SLC39A11: variants seen among roughly 807,000 people sequenced by gnomAD.
SLC39A11 encodes the protein solute carrier family 39 member 11, also known as zinc transporter ZIP11.
SLC39A11 carries 33 observed loss-of-function variants against 36.1 expected under a neutral mutation model. That is an observed-to-expected ratio of 0.91 (90% CI 0.69 to 1.22). SLC39A11 has a LOEUF of 1.22. SLC39A11 is among the 50% of genes most tolerant of loss of function. The probability of loss-of-function intolerance (pLI) is 0.00; values close to 1 mark genes in which losing one functional copy is unlikely to be tolerated. For synonymous variants in SLC39A11, 166 were observed against 170.3 expected, an observed-to-expected ratio of 0.97 and a Z score of 0.20; for missense variants, 432 against 430.3, an observed-to-expected ratio of 1.00 and a Z score of -0.03.
At chr17:73,033,676 A>T (rs1244489635) in intron 3 of SLC39A11, among the ~76,000 whole-genome samples, 6 of 152,216 alleles carry the variant, frequency 3.9e-5, no homozygotes, top group African/African-American at 1.2e-4. Context: ...GAGTACACCC[A>T]CCACCCATCG....
intron 5 of SLC39A11, among the ~76,000 whole-genome samples, chr17:72,907,049 C>G (rs1290629725): frequency 6.6e-6 from 1 of 152,166 alleles, no homozygotes; most frequent in African/African-American, 2.4e-5. Context: ...GATTAAAGTC[C>G]CACAATCACC....
At chr17:72,677,071 A>C (rs1321120469) in intron 7 of SLC39A11, among the ~76,000 whole-genome samples, 4 of 152,096 alleles carry the variant, frequency 2.6e-5, no homozygotes, top group Non-Finnish European at 2.9e-5. Context: ...TTGTAAAATC[A>C]CCAAACCTGG....
intron 7 of SLC39A11, among the ~76,000 whole-genome samples, chr17:72,668,054 G>C (rs911401631): frequency 3.3e-5 from 5 of 152,166 alleles, no homozygotes; most frequent in African/African-American, 1.2e-4. Flanking sequence ...GTTTAGGGTA[G>C]CCTGTGATTA....
chr17:72,781,887 C>CAAA (rs4036981), intron 6 of SLC39A11, among the ~76,000 whole-genome samples: 3,152 of 136,854 alleles, frequency 0.023, 79 homozygotes, highest in African/African-American at 0.062. Flanking sequence ...CATCACCATC[C>CAAA]AAAAAAAAAA....
chr17:73,001,004 T>C (rs2089790492), intron 4 of SLC39A11, among the ~76,000 whole-genome samples: 2 of 152,160 alleles, frequency 1.3e-5, no homozygotes, highest in South Asian at 2.1e-4. Flanking sequence ...TGCATCCAGT[T>C]TGAACTTTTT....
chr17:73,034,423 T>C (rs2058837704), intron 3 of SLC39A11, among the ~76,000 whole-genome samples: 1 of 152,218 alleles, frequency 6.6e-6, no homozygotes, highest in Non-Finnish European at 1.5e-5. Context: ...GGTTTTGCCG[T>C]GTTGGCCAGG....
intron 6 of SLC39A11, among the ~76,000 whole-genome samples, chr17:72,767,363 C>T (rs2075792698): frequency 6.6e-6 from 1 of 152,208 alleles, no homozygotes; most frequent in Admixed American, 6.5e-5. Context: ...CTGGGCTGGA[C>T]AGTGCTGGGC....
intron 5 of SLC39A11, among the ~76,000 whole-genome samples, chr17:72,851,978 G>A (rs139181264): frequency 0.022 from 3,371 of 151,920 alleles, 128 homozygotes; most frequent in African/African-American, 0.077. Flanking sequence ...CGAGGCAGGC[G>A]GATCATGAGG....
At chr17:72,769,893 C>A (rs1009606844) in intron 6 of SLC39A11, among the ~76,000 whole-genome samples, 1 of 152,168 alleles carries the variant, frequency 6.6e-6, no homozygotes, top group African/African-American at 2.4e-5. Flanking sequence ...AAAAATGCAA[C>A]TGTTTGTATC....
intron 3 of SLC39A11, among the ~76,000 whole-genome samples, chr17:73,065,082 T>C (rs1212467912): frequency 6.6e-6 from 1 of 151,972 alleles, no homozygotes; most frequent in Non-Finnish European, 1.5e-5. Context: ...TTCCTGATTG[T>C]GGAAGAGAAT....
chr17:72,782,153 A>G (rs1464872458), intron 6 of SLC39A11, among the ~76,000 whole-genome samples: 1 of 151,996 alleles, frequency 6.6e-6, no homozygotes, highest in Non-Finnish European at 1.5e-5. Context: ...AAGAAGGGGA[A>G]GCAGACATAG....
At chr17:73,019,053 A>G (rs2058260267) in intron 4 of SLC39A11, among the ~76,000 whole-genome samples, 1 of 152,198 alleles carries the variant, frequency 6.6e-6, no homozygotes, top group African/African-American at 2.4e-5. Context: ...AAGCAAAAAA[A>G]CTGTTAACCT....
At chr17:72,793,331 G>A (rs961455755) in intron 6 of SLC39A11, among the ~76,000 whole-genome samples, 1 of 152,174 alleles carries the variant, frequency 6.6e-6, no homozygotes, top group South Asian at 2.1e-4. Flanking sequence ...CACATCTTAA[G>A]TCCTAGAGCT....
In SLC39A11 at chr17:72,953,296, A is replaced by G. The variant is rs145950710; in HGVS notation, c.307-5421T>C. Among the ~76,000 whole-genome samples the G allele has an allele frequency of 1.0e-3, 152 of 152,246 alleles. No homozygotes were observed. In the Middle Eastern group the frequency reaches 0.014, roughly 14 times the overall value. ...TGGAAAGGCCATGCAGAAAGGCAGG[A>G]GCTGAAGAAGAAGAATAGCACTTTC... is the stretch of plus-strand genomic sequence containing the variant. On this transcript the variant is annotated intron_variant, in intron 4 of 9. Coordinates refer to ENST00000255559, the MANE Select transcript of SLC39A11 (RefSeq NM_139177.4).
intron 6 of SLC39A11, among the ~76,000 whole-genome samples, chr17:72,809,431 C>A (rs1568128017): frequency 6.6e-6 from 1 of 152,184 alleles, no homozygotes; most frequent in Non-Finnish European, 1.5e-5. Flanking sequence ...CATCTCTACT[C>A]CAAGTTTGGA....
At position 72,737,135 on chromosome 17, in the gene SLC39A11, G is replaced by T. The variant is rs545256700; in HGVS notation, c.602-416C>A. Among the ~76,000 whole-genome samples the T allele has an allele frequency of 5.3e-5, 8 of 152,192 alleles. No homozygotes were observed. In the East Asian group the frequency reaches 1.5e-3, roughly 29 times the overall value. On this transcript the variant is annotated intron_variant, in intron 6 of 9. Coordinates refer to ENST00000255559, the MANE Select transcript of SLC39A11 (RefSeq NM_139177.4). ...TACTAAAAATACGAGAGTTAGCAGG[G>T]CGTGATGGTGCACACCTGTAATCCC...
chr17:72,981,303 A>G (rs2088282222), intron 4 of SLC39A11, among the ~76,000 whole-genome samples: 1 of 152,172 alleles, frequency 6.6e-6, no homozygotes, highest in African/African-American at 2.4e-5. Flanking sequence ...CAAGCACTCA[A>G]TACACACATA....
At chr17:72,829,357 A>T (rs1324103370) in intron 6 of SLC39A11, among the ~76,000 whole-genome samples, 3 of 151,610 alleles carry the variant, frequency 2.0e-5, no homozygotes, top group Admixed American at 2.0e-4. Context: ...CTCAAAAAAA[A>T]AAAAAGGCCC....
rs151082107 is a variant in SLC39A11, at chr17:73,083,794, G to A, written c.147+1014C>T. 8.8e-3 allele frequency among the ~76,000 whole-genome samples: 1,338 copies of A among 152,240 alleles called. 14 individuals carry two copies. Among genetic ancestry groups the A allele is most frequent in the African/African-American group, 0.031 (1,282 of 41,534 alleles). On this transcript the variant is annotated intron_variant, in intron 3 of 9. Transcript: ENST00000255559. ...AAATGCAATATAGAAACCTTGTTTG[G>A]ACCCCAATTATAACAAAACAATATT... is the stretch of plus-strand genomic sequence containing the variant.
Sources: gnomAD v4.1 joint callset for allele counts (sites outside exome capture counted in the v4.1 genomes callset) on GRCh38, gnomAD v4.1.1 for gene constraint, MANE v1.5 for transcripts, NCBI Gene and HGNC (gene_info 2026-07-23, HGNC 2026-07-21) for gene names.